The following GAREM1 variants were observed in gnomAD, a reference collection of about 807,000 sequenced individuals.
The protein encoded by GAREM1 is GRB2-associated and regulator of MAPK protein 1.
Under a neutral mutation model 71.3 loss-of-function variants are expected in GAREM1, and 26 were observed. The observed-to-expected ratio is 0.36, with a 90% CI of 0.27 to 0.51. The LOEUF is 0.51. Ranked by LOEUF, GAREM1 falls within the 20% of genes least tolerant of loss-of-function variation. The pLI is 0.95. For synonymous variants in GAREM1, 440 were observed against 433.2 expected (o/e 1.02, Z -0.20); for missense variants, 1,026 against 1,103.1 (o/e 0.93, Z 0.99).
chr18:32,343,377 C>T lies in GAREM1; in HGVS notation c.263-33054G>A, dbSNP rs556434050. The stretch of plus-strand genomic sequence containing the variant: ...TAGCCCAGGTTGGGGTGCAGTGGCG[C>T]GATCTCAGCTCACTGCAACCTATAC... On this transcript the variant is annotated intron_variant, in intron 2 of 5. Transcript: ENST00000269209. 3.0e-3 allele frequency among the ~76,000 whole-genome samples: 433 copies of T among 145,944 alleles called. 4 individuals are homozygous for T. The highest frequency in any genetic ancestry group is 0.011 in the African/African-American group (409 of 38,656).
chr18:32,435,608 G>C (rs577508459), intron 1 of GAREM1, among the ~76,000 whole-genome samples: 8 of 152,138 alleles, frequency 5.3e-5, no homozygotes, highest in African/African-American at 1.2e-4. Flanking sequence ...ACCAGTAGAG[G>C]TGTAACAATA....
At chr18:32,383,400 A>T (rs547196177) in intron 2 of GAREM1, among the ~76,000 whole-genome samples, 2 of 152,346 alleles carry the variant, frequency 1.3e-5, no homozygotes, top group South Asian at 4.1e-4. Context: ...TAAGAAATGG[A>T]GCAGAGTGAC....
intron 1 of GAREM1, among the ~76,000 whole-genome samples, chr18:32,444,787 T>C (rs146675879): frequency 1.3e-5 from 2 of 152,284 alleles, no homozygotes; most frequent in East Asian, 3.9e-4. Context: ...TCCTATGGGC[T>C]GGTTCAGCAA....
At position 32,268,765 on chromosome 18, in the gene GAREM1, G is replaced by A. The variant is rs373713186; in HGVS notation, c.1737C>T (p.Ser579=). 1.8e-5 allele frequency: 29 copies of A among 1,611,822 alleles called. No homozygotes were observed. The highest frequency in any genetic ancestry group is 1.3e-4 in the Admixed American group (8 of 59,920). ...SYYSSGLHNI[S]VTKTDTNPSE... ...AAGGATTTGTGTCAGTTTTAGTGACGCTGCTTAAAAGCAAACACAGAAGGA... is the reference window on the plus strand; with the variant it reads ...AAGGATTTGTGTCAGTTTTAGTGACACTGCTTAAAAGCAAACACAGAAGGA... The change falls in exon 6 of 6, where the codon AGC becomes AGT. Residue 579 remains serine (S), a synonymous_variant. Transcript: ENST00000269209.
intron 2 of GAREM1, among the ~76,000 whole-genome samples, chr18:32,334,643 C>T (rs181335205): frequency 5.3e-5 from 8 of 152,304 alleles, no homozygotes; most frequent in East Asian, 3.9e-4. Context: ...AGTCCTGACA[C>T]GGCATAACCT....
intron 2 of GAREM1, among the ~76,000 whole-genome samples, chr18:32,321,102 C>A (rs140279844): frequency 5.8e-4 from 88 of 152,250 alleles, no homozygotes; most frequent in African/African-American, 2.0e-3. Flanking sequence ...TAAAATACAA[C>A]CTAAAACAAA....
intron 5 of GAREM1, among the ~76,000 whole-genome samples, chr18:32,269,148 TA>T (rs1459984096): frequency 1.3e-5 from 2 of 152,192 alleles, no homozygotes; most frequent in African/African-American, 4.8e-5. Flanking sequence ...GAGAGAATAG[TA>T]AATGAGTGGC....
chr18:32,316,202 A>C (rs1402837454), intron 2 of GAREM1, among the ~76,000 whole-genome samples: 1 of 152,204 alleles, frequency 6.6e-6, no homozygotes, highest in Non-Finnish European at 1.5e-5. Context: ...CAAGGAAAAA[A>C]ACTAACAGCT....
At position 32,267,920 on chromosome 18, in the gene GAREM1, T is replaced by C. The variant is rs1706872285; in HGVS notation, c.2582A>G (p.Gln861Arg). The change falls in exon 6 of 6, where the codon CAG becomes CGG. Residue 861 changes from glutamine to arginine, a missense_variant. Gln to Arg is a conservative substitution (Grantham distance 43). Around this residue, in one of 3 missense-constraint regions of GAREM1, gnomAD observed 636 missense variants for 631.2 expected, o/e 1.01. Coordinates refer to ENST00000269209, the MANE Select transcript of GAREM1 (RefSeq NM_001242409.2). ...LSEDFKLSKL[Q>R]VKKIMQFING... ...AATGAATTGCATTATCTTCTTCACC[T>C]GCAATTTGCTCAATTTGAAATCCTC... 2 of 1,613,972 alleles carry C rather than the reference T, an allele frequency of 1.2e-6. No individual in the cohort carries two copies. The highest frequency in any genetic ancestry group is 2.7e-5 in the African/African-American group (2 of 75,054).
intron 1 of GAREM1, among the ~76,000 whole-genome samples, chr18:32,397,330 A>C (rs1350942611): frequency 6.6e-6 from 1 of 152,236 alleles, no homozygotes; most frequent in African/African-American, 2.4e-5. Context: ...AATAGGCTAA[A>C]TCCTCCCATT....
intron 2 of GAREM1, among the ~76,000 whole-genome samples, chr18:32,321,326 C>T (rs1198402972): frequency 6.6e-6 from 1 of 152,186 alleles, no homozygotes; most frequent in African/African-American, 2.4e-5. Context: ...TTTGCCTTTG[C>T]TCATGCTCTT....
At chr18:32,306,121 C>T (rs1418778954) in intron 3 of GAREM1, among the ~76,000 whole-genome samples, 1 of 152,194 alleles carries the variant, frequency 6.6e-6, no homozygotes, top group Admixed American at 6.5e-5. Flanking sequence ...ATCAAGGCCA[C>T]TCATGACCTT....
chr18:32,347,765 C>T (rs2144586168), intron 2 of GAREM1, among the ~76,000 whole-genome samples: 1 of 152,264 alleles, frequency 6.6e-6, no homozygotes, highest in South Asian at 2.1e-4. Flanking sequence ...GTTTATAAGA[C>T]AGTTCTTATC....
chr18:32,453,001 T>C (rs1031759164), intron 1 of GAREM1, among the ~76,000 whole-genome samples: 20 of 152,114 alleles, frequency 1.3e-4, no homozygotes, highest in African/African-American at 4.8e-4. Context: ...TTAGTCCATT[T>C]TCACGCTGCT....
intron 2 of GAREM1, among the ~76,000 whole-genome samples, chr18:32,378,500 A>G (rs1328176569): frequency 1.7e-5 from 2 of 120,788 alleles, no homozygotes; most frequent in African/African-American, 6.5e-5. Flanking sequence ...ACTGTCTCCG[A>G]AAAAAAAAAA....
At chr18:32,419,632 G>A (rs1376985507) in intron 1 of GAREM1, among the ~76,000 whole-genome samples, 1 of 152,090 alleles carries the variant, frequency 6.6e-6, no homozygotes, top group African/African-American at 2.4e-5. Context: ...TGTTACAGCA[G>A]CCTGAACTAA....
intron 1 of GAREM1, among the ~76,000 whole-genome samples, chr18:32,441,990 T>C (rs905091965): frequency 6.8e-6 from 1 of 147,332 alleles, no homozygotes; most frequent in Non-Finnish European, 1.5e-5. Context: ...AGGTGCAAAT[T>C]GTAATTTTTT....
intron 4 of GAREM1, among the ~76,000 whole-genome samples, chr18:32,274,122 A>G (rs894370722): frequency 2.6e-4 from 40 of 152,234 alleles, no homozygotes; most frequent in African/African-American, 8.9e-4. Context: ...TTGTTGCTGC[A>G]TGGGTGGCCG....
rs1304468805 is a variant in GAREM1, at chr18:32,470,312, G to C, written c.117C>G (p.Asp39Glu). 2 of 1,552,364 alleles carry C rather than the reference G, an allele frequency of 1.3e-6. No individual in the cohort carries two copies. Among genetic ancestry groups the C allele is most frequent in the South Asian group, 1.2e-5 (1 of 83,814 alleles). Residue 39 changes from aspartate to glutamate, a missense_variant, in exon 1 of 6, where the codon GAC becomes GAG. Around this residue, in one of 3 missense-constraint regions of GAREM1, gnomAD observed 172 missense variants for 175.2 expected, o/e 0.98. Transcript: ENST00000269209. This position sits in a 1 kb window ranked among gnomAD's most constrained non-coding sequence, Gnocchi z 4.4. ...TYRLPQIARL[D>E]NGECVEGLRE... ...CGCGCCCCAGCTGGGACTCACCGTT[G>C]TCCAGGCGCGCGATCTGGGGCAGCC...
Sources: gnomAD v4.1 joint callset for allele counts (sites outside exome capture counted in the v4.1 genomes callset) on GRCh38, gnomAD v4.1.1 for gene constraint, gnomAD v4.1.1 regional missense constraint, Gnocchi (gnomAD v3.1) non-coding constraint, MANE v1.5 for transcripts, NCBI Gene and HGNC (gene_info 2026-07-23, HGNC 2026-07-21) for gene names.